The following TLE1 variants were observed in gnomAD, a reference collection of about 807,000 sequenced individuals.
TLE1 encodes transducin-like enhancer protein 1.
A neutral mutation model predicts 89.8 loss-of-function variants in TLE1; 21 were observed. The ratio of observed to expected loss-of-function variants is 0.23; its 90% confidence interval spans 0.17 to 0.34. The LOEUF (loss-of-function observed/expected upper bound fraction) is 0.34. Among genes scored for constraint, TLE1 ranks in the 10% least tolerant of loss-of-function variants. The pLI is 1.00. For missense variants in TLE1, 795 were observed against 1,031.2 expected (o/e 0.77, Z 3.14); for synonymous variants, 447 against 407.6 (o/e 1.10, Z -1.16).
At chr9:81,660,352 A>C (rs1257325806) in intron 4 of TLE1, among the ~76,000 whole-genome samples, 1 of 152,008 alleles carries the variant, frequency 6.6e-6, no homozygotes. Flanking sequence ...AAAAAAAAAA[A>C]AACAAAATCA....
chr9:81,687,240 G>T (rs997970858), intron 2 of TLE1, 94 bp downstream of exon 2: 11 of 1,003,918 alleles, frequency 1.1e-5, no homozygotes, highest in Non-Finnish European at 1.5e-5. Flanking sequence ...CCGCCTGGAC[G>T]CAAGAACTAA....
At chr9:81,651,541 C>T (rs1829533647) in intron 6 of TLE1, among the ~76,000 whole-genome samples, 1 of 152,132 alleles carries the variant, frequency 6.6e-6, no homozygotes, top group Admixed American at 6.5e-5. Flanking sequence ...CAAGAGAGCG[C>T]TCTTTTCATT....
chr9:81,683,009 G>A (rs1187657425), intron 4 of TLE1, among the ~76,000 whole-genome samples: 5 of 152,188 alleles, frequency 3.3e-5, no homozygotes, highest in Admixed American at 2.6e-4. Flanking sequence ...ACCACACCAG[G>A]AAAGGAAACC....
chr9:81,591,370 A>G (rs1169969714), intron 15 of TLE1, among the ~76,000 whole-genome samples: 4 of 152,148 alleles, frequency 2.6e-5, no homozygotes, highest in African/African-American at 7.2e-5. Flanking sequence ...TTATAAATCT[A>G]CCTCATCACC....
chr9:81,592,975 T>C, intron 15 of TLE1, 50 bp downstream of exon 15: 2 of 1,582,148 alleles, frequency 1.3e-6, no homozygotes, highest in Non-Finnish European at 1.7e-6. Flanking sequence ...ATTTCCTTAT[T>C]GAATCTCCAG....
At chr9:81,681,958 C>T (rs1833685416) in intron 4 of TLE1, among the ~76,000 whole-genome samples, 1 of 152,064 alleles carries the variant, frequency 6.6e-6, no homozygotes, top group African/African-American at 2.4e-5. Context: ...GGAAGAAGCA[C>T]AGACAGGCCG....
At chr9:81,655,424 C>G (rs1588139343) in intron 4 of TLE1, among the ~76,000 whole-genome samples, 1 of 152,058 alleles carries the variant, frequency 6.6e-6, no homozygotes, top group Admixed American at 6.5e-5. Flanking sequence ...CACAGCAGTC[C>G]CTCTGCTACA....
intron 8 of TLE1, among the ~76,000 whole-genome samples, chr9:81,623,644 T>TAAA (rs1825563421): frequency 7.1e-6 from 1 of 141,258 alleles, no homozygotes; most frequent in African/African-American, 2.7e-5. Context: ...AAAAAAAAAT[T>TAAA]AGCCGGGTGG....
Position 81,612,040 on chromosome 9 carries a change from T to C in TLE1, c.1064-81A>G, listed in dbSNP as rs553922539. 5.3e-6 allele frequency: 6 copies of C among 1,125,210 alleles called. No homozygotes were observed. The African/African-American group carries it at 6.4e-5, about 12-fold the overall frequency. The allele number at this position is 1,125,210 out of a possible 1,614,324, so 69.7% of individuals were successfully genotyped here. A position where few individuals can be genotyped will look rare whatever the true frequency, so the allele number is the denominator to read the frequency against. On this transcript the variant is annotated intron_variant, in intron 12 of 19. Transcript: ENST00000376499. ...CCAGCAAGTCTGGCCTCATCATTTG[T>C]TAGTGTCACTCATGGGGAGAGAGAA... is the stretch of plus-strand genomic sequence containing the variant.
intron 11 of TLE1, among the ~76,000 whole-genome samples, 157 bp from the exon 12 acceptor site, chr9:81,613,678 G>A (rs7865343): frequency 0.19 from 29,227 of 152,078 alleles, 5,490 homozygotes; most frequent in East Asian, 0.57. Context: ...ACTTGTGAGC[G>A]AGAAATGTTG....
At chr9:81,610,364 G>A (rs1823543059) in intron 13 of TLE1, 68 bp from the exon 14 acceptor site, 4 of 1,171,754 alleles carry the variant, frequency 3.4e-6, no homozygotes, top group South Asian at 1.3e-5. Context: ...CATCAATACT[G>A]TTCATTAGAA....
At chr9:81,601,762 A>AG (rs1830955608) in intron 14 of TLE1, among the ~76,000 whole-genome samples, 1 of 152,222 alleles carries the variant, frequency 6.6e-6, no homozygotes, top group Non-Finnish European at 1.5e-5. Context: ...AAACAAGCTC[A>AG]GGGTTACCTC....
intron 6 of TLE1, among the ~76,000 whole-genome samples, chr9:81,648,025 A>C (rs749246097): frequency 2.0e-5 from 3 of 152,164 alleles, no homozygotes; most frequent in Non-Finnish European, 4.4e-5. Context: ...TAATCCCAAC[A>C]CTTTGGGAGG....
intron 5 of TLE1, among the ~76,000 whole-genome samples, chr9:81,653,759 G>A (rs1829835630): frequency 6.6e-6 from 1 of 151,982 alleles, no homozygotes; most frequent in Non-Finnish European, 1.5e-5. Flanking sequence ...TTTTCCACAG[G>A]AAAAAAAATT....
chr9:81,613,325 A>ATT, intron 12 of TLE1, 52 bp downstream of exon 12: 1 of 1,593,836 alleles, frequency 6.3e-7, no homozygotes. Flanking sequence ...ACAACAAATC[A>ATT]AGCTGGGAAT....
chr9:81,612,057 G>C (rs1823785549), intron 12 of TLE1, 98 bp from the exon 13 acceptor site: 2 of 965,548 alleles, frequency 2.1e-6, no homozygotes, highest in Admixed American at 3.8e-5. Context: ...CACTCATGGG[G>C]AGAGAGAAAG....
chr9:81,595,694 T>C (rs762424164), intron 14 of TLE1, among the ~76,000 whole-genome samples: 2 of 151,524 alleles, frequency 1.3e-5, no homozygotes, highest in Admixed American at 6.6e-5. Context: ...TGGCGGGCGC[T>C]TGTAGTCCCA....
At chr9:81,625,152 T>G (rs940349756) in intron 8 of TLE1, among the ~76,000 whole-genome samples, 3 of 152,224 alleles carry the variant, frequency 2.0e-5, no homozygotes, top group East Asian at 1.9e-4. Flanking sequence ...AACCATATAC[T>G]CCATAAGAAG....
At chr9:81,599,690 G>A (rs1046160277) in intron 14 of TLE1, among the ~76,000 whole-genome samples, 2 of 152,064 alleles carry the variant, frequency 1.3e-5, no homozygotes, top group Non-Finnish European at 2.9e-5. Flanking sequence ...TCTAACCCAT[G>A]ACATCTACAA....
Sources: gnomAD v4.1 joint callset for allele counts (sites outside exome capture counted in the v4.1 genomes callset) on GRCh38, gnomAD v4.1.1 for gene constraint, MANE v1.5 for transcripts, NCBI Gene and HGNC (gene_info 2026-07-23, HGNC 2026-07-21) for gene names.